Variants in KIAA1328 observed in about 807,000 individuals in gnomAD.
The protein encoded by KIAA1328 is protein hinderin.
In KIAA1328, 52 loss-of-function variants were observed where a neutral mutation model predicts 68.1. That is an observed-to-expected ratio of 0.76 (90% CI 0.61 to 0.96). KIAA1328 has a LOEUF of 0.96. KIAA1328 is among the 40% of genes least tolerant of loss of function. The pLI is 0.00. For missense variants in KIAA1328, 641 were observed against 677.6 expected (o/e 0.95, Z 0.60); for synonymous variants, 232 against 239.4 (o/e 0.97, Z 0.28).
chr18:36,973,510 G>A (rs1183642514), intron 6 of KIAA1328, among the ~76,000 whole-genome samples: 1 of 151,838 alleles, frequency 6.6e-6, no homozygotes. Flanking sequence ...ATGTTTTATG[G>A]CCATTTATTT....
chr18:37,019,749 T>C (rs1352067292), intron 6 of KIAA1328, among the ~76,000 whole-genome samples: 1 of 152,226 alleles, frequency 6.6e-6, no homozygotes, highest in African/African-American at 2.4e-5. Context: ...CTCAGACTGC[T>C]GGAAGAGGCA....
At chr18:37,026,249 A>C (rs2054574385) in intron 6 of KIAA1328, among the ~76,000 whole-genome samples, 1 of 152,150 alleles carries the variant, frequency 6.6e-6, no homozygotes, top group Non-Finnish European at 1.5e-5. Context: ...CCAACAAAAA[A>C]AGTCCAGGAC....
intron 3 of KIAA1328, 150 bp downstream of exon 3, chr18:36,835,526 A>G: frequency 1.3e-6 from 1 of 783,274 alleles, no homozygotes; most frequent in Non-Finnish European, 2.0e-6. Context: ...TGATGATGCC[A>G]GGTTTGAGCC....
At chr18:36,838,979 C>T (rs1002935145) in intron 3 of KIAA1328, among the ~76,000 whole-genome samples, 8 of 152,230 alleles carry the variant, frequency 5.3e-5, no homozygotes, top group African/African-American at 9.6e-5. Context: ...ATTATCTGCC[C>T]GCCTCGGCCT....
At chr18:36,904,899 C>T (rs974572200) in intron 5 of KIAA1328, among the ~76,000 whole-genome samples, 9 of 151,758 alleles carry the variant, frequency 5.9e-5, no homozygotes, top group African/African-American at 2.2e-4. Context: ...TGCTGTAAGG[C>T]GTATCTATAC....
At chr18:36,959,939 C>G (rs2051588477) in intron 6 of KIAA1328, among the ~76,000 whole-genome samples, 1 of 152,168 alleles carries the variant, frequency 6.6e-6, no homozygotes, top group African/African-American at 2.4e-5. Context: ...CGTTTGTACA[C>G]TTATCACCAA....
At chr18:36,873,992 C>G (rs570114300) in intron 4 of KIAA1328, among the ~76,000 whole-genome samples, 2 of 152,326 alleles carry the variant, frequency 1.3e-5, no homozygotes, top group South Asian at 4.1e-4. Context: ...CCAGCTTCAT[C>G]CATGTCCCTG....
intron 4 of KIAA1328, among the ~76,000 whole-genome samples, chr18:36,877,918 C>T (rs969665313): frequency 6.6e-6 from 1 of 152,016 alleles, no homozygotes; most frequent in Non-Finnish European, 1.5e-5. Flanking sequence ...CCACCCACCT[C>T]GGCCTCCCAA....
rs140306970 is a variant in KIAA1328, at chr18:36,936,518, C to T, written c.449-22790C>T. Among the ~76,000 whole-genome samples, 562 of 152,194 alleles carry T rather than the reference C, an allele frequency of 3.7e-3. 9 individuals carry two copies. Among genetic ancestry groups the T allele is most frequent in the Non-Finnish European group, 4.4e-3 (298 of 68,014 alleles). On this transcript the variant is annotated intron_variant, in intron 5 of 9. Transcript: ENST00000280020. ...TATGTGCCACAATGCCTATCATTGA[C>T]GGGCATTTGGGTTGGTTCCATGTCT...
chr18:37,036,728 C>T (rs2055041828), intron 6 of KIAA1328, among the ~76,000 whole-genome samples: 1 of 152,206 alleles, frequency 6.6e-6, no homozygotes, highest in Non-Finnish European at 1.5e-5. Context: ...GCAAGTTCAG[C>T]TTTGTGTTGT....
chr18:36,984,776 C>A (rs1003358201), intron 6 of KIAA1328, among the ~76,000 whole-genome samples: 4 of 151,704 alleles, frequency 2.6e-5, no homozygotes, highest in South Asian at 2.1e-4. Flanking sequence ...TGTGATGGTG[C>A]ATGCCCGTAG....
chr18:36,952,418 A>T (rs77141400), intron 5 of KIAA1328, among the ~76,000 whole-genome samples: 2,445 of 151,528 alleles, frequency 0.016, 63 homozygotes, highest in African/African-American at 0.055. Context: ...TTTTTTTTTT[A>T]AAAAATGTAT....
chr18:37,049,290 A>C (rs1423816429), intron 6 of KIAA1328, among the ~76,000 whole-genome samples: 1 of 152,208 alleles, frequency 6.6e-6, no homozygotes, highest in Non-Finnish European at 1.5e-5. Flanking sequence ...AACTAGTCTG[A>C]ACTGGGGACA....
rs897665191 is a variant in KIAA1328, at chr18:37,110,927, C to T, written c.1232+43382C>T. ...TCAACTATATTTGTTTTTCACATTG[C>T]TCCTGTAGTGAAGAGGATTGATTTC... On this transcript the variant is annotated intron_variant, in intron 7 of 9. Transcript: ENST00000280020. 3.2e-4 allele frequency among the ~76,000 whole-genome samples: 48 copies of T among 152,248 alleles called. 1 individual carries two copies. Among genetic ancestry groups the T allele is most frequent in the African/African-American group, 1.1e-3 (47 of 41,556 alleles).
At chr18:37,070,759 G>A (rs2056496809) in intron 7 of KIAA1328, among the ~76,000 whole-genome samples, 2 of 151,948 alleles carry the variant, frequency 1.3e-5, no homozygotes, top group South Asian at 4.2e-4. Context: ...GTATTTTTTA[G>A]TAGAGATGGG....
At chr18:37,103,803 TAC>T (rs60337954) in intron 7 of KIAA1328, among the ~76,000 whole-genome samples, 45,928 of 145,384 alleles carry the variant, frequency 0.32, 7,192 homozygotes, top group East Asian at 0.61. Context: ...CAATAGCAAA[TAC>T]ACACACACAC....
chr18:37,050,231 GA>G lies in KIAA1328; in HGVS notation c.577-16651del, dbSNP rs796605174. Among the ~76,000 whole-genome samples, 161 of 149,556 alleles carry G rather than the reference GA, an allele frequency of 1.1e-3. 2 individuals carry two copies. Among genetic ancestry groups the G allele is most frequent in the African/African-American group, 4.0e-3 (158 of 39,888 alleles). ...AACCAAGAGGGTGGCACCAAAAAAA[GA>G]AAAAAAAGGAAAAAGAAAAAAGGTC... On this transcript the variant is annotated intron_variant, in intron 6 of 9. Coordinates refer to ENST00000280020, the MANE Select transcript of KIAA1328 (RefSeq NM_020776.3).
At chr18:36,831,253 C>T (rs563510561) in intron 1 of KIAA1328, among the ~76,000 whole-genome samples, 1 of 152,214 alleles carries the variant, frequency 6.6e-6, no homozygotes, top group African/African-American at 2.4e-5. Flanking sequence ...ATTTCTTAGT[C>T]CTTGATGTTT....
intron 4 of KIAA1328, among the ~76,000 whole-genome samples, chr18:36,845,445 CTG>C (rs2046995288): frequency 6.6e-6 from 1 of 151,706 alleles, no homozygotes; most frequent in Non-Finnish European, 1.5e-5. Flanking sequence ...TTGTTTGACT[CTG>C]TTTGTTAATG....
Sources: allele counts gnomAD v4.1 joint callset (sites outside exome capture counted in the v4.1 genomes callset), GRCh38; gene constraint gnomAD v4.1.1; transcripts MANE v1.5; gene names NCBI Gene and HGNC (gene_info 2026-07-23, HGNC 2026-07-21).